CDH13: variants seen among roughly 807,000 people sequenced by gnomAD.
CDH13 encodes the protein cadherin-13.
CDH13 carries 24 observed loss-of-function variants against 63.8 expected under a neutral mutation model. The ratio of observed to expected loss-of-function variants is 0.38; its 90% CI spans 0.27 to 0.53. The LOEUF is 0.53. CDH13 is among the 20% of genes least tolerant of loss of function. The pLI is 0.85. For synonymous variants in CDH13, 503 were observed against 355.3 expected (o/e 1.42, Z -4.67); for missense variants, 1,049 against 903.1 (o/e 1.16, Z -2.07).
At chr16:83,164,311 T>C (rs201705245) in intron 4 of CDH13, among the ~76,000 whole-genome samples, 1 of 151,760 alleles carries the variant, frequency 6.6e-6, no homozygotes, top group Admixed American at 6.6e-5. Context: ...CACCACACAC[T>C]ACATACCACA....
chr16:83,702,664 T>A (rs533013846), intron 10 of CDH13, among the ~76,000 whole-genome samples: 2 of 152,336 alleles, frequency 1.3e-5, no homozygotes, highest in African/African-American at 4.8e-5. Context: ...GGCCATGAGA[T>A]GCTCAAGGTC....
chr16:83,716,606 C>T (rs1177585567), intron 10 of CDH13, among the ~76,000 whole-genome samples: 1 of 152,102 alleles, frequency 6.6e-6, no homozygotes, highest in East Asian at 1.9e-4. Context: ...GCCTCAGCCT[C>T]CAGAGTAGCT....
chr16:82,630,041 C>G (rs1013133493), intron 1 of CDH13, among the ~76,000 whole-genome samples: 1 of 152,130 alleles, frequency 6.6e-6, no homozygotes, highest in Non-Finnish European at 1.5e-5. Context: ...CCATGGAATT[C>G]TGAGATTTCG....
rs28564118 is a variant in CDH13, at chr16:82,754,658, C to G, written c.46-103704C>G. 5.0e-3 allele frequency among the ~76,000 whole-genome samples: 757 copies of G among 152,266 alleles called. 7 individuals carry two copies. The highest frequency in any genetic ancestry group is 0.017 in the African/African-American group (714 of 41,544). On this transcript the variant is annotated intron_variant, in intron 1 of 13. Coordinates refer to ENST00000567109, the MANE Select transcript of CDH13 (RefSeq NM_001257.5). ...AGATCAATATTATAGTTTTATTTAT[C>G]TATTAATTTATTTGGATTTCTAAGC...
At chr16:82,825,534 A>T (rs1230785517) in intron 1 of CDH13, 1 of 145,910 alleles carries the variant, frequency 6.9e-6, no homozygotes, top group Non-Finnish European at 1.5e-5. Flanking sequence ...TCTAAACAAT[A>T]TTAACTTTTT....
At chr16:83,099,405 C>T in intron 3 of CDH13, among the ~76,000 whole-genome samples, 1 of 151,744 alleles carries the variant, frequency 6.6e-6, no homozygotes. Flanking sequence ...CTCATTGCAG[C>T]CTCCGCCTCC....
At chr16:83,405,703 C>T (rs74742304) in intron 6 of CDH13, among the ~76,000 whole-genome samples, 4 of 152,182 alleles carry the variant, frequency 2.6e-5, no homozygotes, top group Non-Finnish European at 4.4e-5. Context: ...ATAAGTACCA[C>T]ACTCTGTATG....
intron 1 of CDH13, among the ~76,000 whole-genome samples, chr16:82,629,301 T>C (rs140494840): frequency 4.6e-4 from 70 of 152,352 alleles, no homozygotes; most frequent in African/African-American, 1.6e-3. Context: ...TTGAAATGAT[T>C]GCCCTGAGAG....
intron 6 of CDH13, among the ~76,000 whole-genome samples, chr16:83,480,088 G>T (rs1025793706): frequency 6.6e-6 from 1 of 152,154 alleles, no homozygotes; most frequent in Non-Finnish European, 1.5e-5. Context: ...ACTTTGGGAG[G>T]ACAACGTGGG....
At chr16:83,216,431 T>TATATATATATATATATATAA (rs2039527774) in intron 4 of CDH13, among the ~76,000 whole-genome samples, 1 of 116,336 alleles carries the variant, frequency 8.6e-6, no homozygotes, top group Non-Finnish European at 1.8e-5. Flanking sequence ...TATATATATA[T>TATATATATATATATATATAA]ATATATATAT....
At chr16:82,924,037 CA>C (rs1365491969) in intron 2 of CDH13, among the ~76,000 whole-genome samples, 1 of 152,206 alleles carries the variant, frequency 6.6e-6, no homozygotes, top group Non-Finnish European at 1.5e-5. Context: ...GATGGGTAAA[CA>C]AGTCATGAAT....
rs557420302 is a variant in CDH13, at chr16:83,795,347, C to A, written c.*317C>A. On this transcript the variant is annotated 3_prime_UTR_variant, in exon 14 of 14. Coordinates refer to ENST00000567109, the MANE Select transcript of CDH13 (RefSeq NM_001257.5). ...TGTGTTAACATGTCGCTAGCCAGTG[C>A]TCCAGGCACCCAGCTTTGTCTGTGG... 4.4e-4 allele frequency: 155 copies of A among 356,102 alleles called. No homozygotes were observed. The highest frequency in any genetic ancestry group is 2.9e-3 in the African/African-American group (139 of 48,000). 22.1% of individuals were successfully genotyped at this position (356,102 alleles called of 1,614,324 possible).
chr16:83,749,121 G>C (rs2150973045), intron 11 of CDH13, among the ~76,000 whole-genome samples: 1 of 152,362 alleles, frequency 6.6e-6, no homozygotes, highest in African/African-American at 2.4e-5. Flanking sequence ...CACACAAGAA[G>C]TTTTGTTCTC....
At chr16:82,704,792 G>T (rs74028563) in intron 1 of CDH13, among the ~76,000 whole-genome samples, 2,044 of 152,272 alleles carry the variant, frequency 0.013, 41 homozygotes, top group African/African-American at 0.046. Context: ...CAGTTTCCTG[G>T]TCTGCTAAGT....
chr16:82,840,477 C>G (rs2615132), intron 1 of CDH13, among the ~76,000 whole-genome samples: 121,757 of 151,190 alleles, frequency 0.81, 51,259 homozygotes, highest in Non-Finnish European at 0.94. Flanking sequence ...GAGGTCAGGA[C>G]TTTGAGACCA....
At position 83,783,316 on chromosome 16, in the gene CDH13, A is replaced by G. The variant is rs775238613; in HGVS notation, c.1978A>G (p.Met660Val). ...CAAAGCAAACTACAACCTGCCCATC[A>G]TGGTGACAGATTCAGGGAAACCACC... ...LNKANYNLPIMVTDSGKPPMT... is the reference protein window; with the variant it reads ...LNKANYNLPIVVTDSGKPPMT... Residue 660 changes from methionine to valine, a missense_variant, in exon 13 of 14, where the codon ATG becomes GTG. Coordinates refer to ENST00000567109, the MANE Select transcript of CDH13 (RefSeq NM_001257.5). 1.9e-6 allele frequency: 3 copies of G among 1,613,884 alleles called. No homozygotes were observed. Among genetic ancestry groups the G allele is most frequent in the Non-Finnish European group, 1.7e-6 (2 of 1,179,894 alleles).
At chr16:82,862,208 C>A (rs540962641) in intron 2 of CDH13, among the ~76,000 whole-genome samples, 1 of 152,264 alleles carries the variant, frequency 6.6e-6, no homozygotes, top group South Asian at 2.1e-4. Context: ...TTAGTACCAC[C>A]AGAATTGGAC....
intron 1 of CDH13, among the ~76,000 whole-genome samples, chr16:82,795,029 C>A (rs994553880): frequency 1.3e-5 from 2 of 152,150 alleles, no homozygotes; most frequent in Non-Finnish European, 2.9e-5. Flanking sequence ...AGAAATGATA[C>A]CTTCCCTCCT....
intron 6 of CDH13, among the ~76,000 whole-genome samples, chr16:83,351,000 A>G (rs1232613776): frequency 6.6e-6 from 1 of 152,190 alleles, no homozygotes; most frequent in Non-Finnish European, 1.5e-5. Context: ...GCTATTTTCC[A>G]AAACAGCTTG....
Sources: allele counts gnomAD v4.1 joint callset (sites outside exome capture counted in the v4.1 genomes callset), GRCh38; gene constraint gnomAD v4.1.1; transcripts MANE v1.5; gene names NCBI Gene and HGNC (gene_info 2026-07-23, HGNC 2026-07-21).